HHLA2: variants seen among roughly 807,000 people sequenced by gnomAD.
The protein encoded by HHLA2 is HHLA2 member of B7 family.
In HHLA2, 48 loss-of-function variants were observed where a neutral mutation model predicts 45.9. The ratio of observed to expected loss-of-function variants is 1.05; its 90% CI spans 0.83 to 1.33. The LOEUF is 1.33. HHLA2 is among the 40% of genes most tolerant of loss of function. The pLI, the probability that HHLA2 is intolerant of heterozygous loss-of-function variation, is 0.00. For synonymous variants in HHLA2, 161 were observed against 173.9 expected, an observed-to-expected ratio of 0.93 and a Z score of 0.59; for missense variants, 462 against 494.3, an observed-to-expected ratio of 0.93 and a Z score of 0.62.
At chr3:108,371,841 C>T (rs2082180167) in intron 8 of HHLA2, among the ~76,000 whole-genome samples, 1 of 152,094 alleles carries the variant, frequency 6.6e-6, no homozygotes, top group Admixed American at 6.5e-5. Flanking sequence ...CCTTAGTGAC[C>T]TACAAAGAGA....
intron 8 of HHLA2, among the ~76,000 whole-genome samples, chr3:108,374,250 T>C (rs201868538): frequency 0.067 from 10,037 of 150,440 alleles, 579 homozygotes; most frequent in East Asian, 0.34. Flanking sequence ...ATTTAATAAA[T>C]GGTGCTGGGA....
Position 108,335,279 on chromosome 3 carries a change from G to A in HHLA2, c.-27+6932G>A, listed in dbSNP as rs2081451765. On this transcript the variant is annotated intron_variant, in intron 3 of 10. Coordinates refer to ENST00000619531, the Ensembl canonical transcript of HHLA2. ...AATAAATGAGTTGCATGAGCAGATT[G>A]TTTACATGCCCACTGAGCCCACCAT... Among the ~76,000 whole-genome samples the A allele has an allele frequency of 3.3e-5, 5 of 152,158 alleles. No individual in the cohort carries two copies. In the South Asian group the frequency reaches 1.0e-3, roughly 32 times the overall value.
At chr3:108,319,192 T>C (rs894738077) in intron 2 of HHLA2, among the ~76,000 whole-genome samples, 7 of 151,882 alleles carry the variant, frequency 4.6e-5, no homozygotes, top group African/African-American at 7.3e-5. Context: ...AAAGAAACCA[T>C]AGTGATAGCT....
intron 1 of HHLA2, among the ~76,000 whole-genome samples, chr3:108,308,288 T>C (rs1048325747): frequency 5.3e-5 from 8 of 152,330 alleles, no homozygotes; most frequent in African/African-American, 1.9e-4. Context: ...CTGGCTTATT[T>C]CACTTAACAT....
At chr3:108,361,325 A>G (rs189826675) in intron 7 of HHLA2, among the ~76,000 whole-genome samples, 17 of 152,304 alleles carry the variant, frequency 1.1e-4, no homozygotes, top group Admixed American at 7.2e-4. Flanking sequence ...ATCCCGCTCC[A>G]TCCTGCCTTG....
intron 8 of HHLA2, 40 bp downstream of exon 7, chr3:108,362,486 T>A: frequency 7.9e-7 from 1 of 1,261,166 alleles, no homozygotes; most frequent in Non-Finnish European, 1.1e-6. Context: ...GTGTTCCACA[T>A]CACGTATATT....
chr3:108,302,079 T>A (rs1265520803), intron 1 of HHLA2, among the ~76,000 whole-genome samples: 2 of 152,218 alleles, frequency 1.3e-5, no homozygotes, highest in Non-Finnish European at 2.9e-5. Flanking sequence ...TTTATATTAG[T>A]AATCTAATTC....
At chr3:108,325,799 C>G (rs2081278211) in intron 2 of HHLA2, 2 of 314,348 alleles carry the variant, frequency 6.4e-6, no homozygotes, top group Non-Finnish European at 1.2e-5. Context: ...GAAGTTTCCT[C>G]TACTACCAAA....
intron 3 of HHLA2, among the ~76,000 whole-genome samples, chr3:108,330,081 G>A (rs926661798): frequency 6.6e-6 from 1 of 152,048 alleles, no homozygotes; most frequent in Non-Finnish European, 1.5e-5. Flanking sequence ...CTCTCTGTGG[G>A]GCCATTCACA....
chr3:108,355,526 G>A, intron 6 of HHLA2, 145 bp downstream of exon 5: 2 of 868,368 alleles, frequency 2.3e-6, no homozygotes, highest in East Asian at 2.5e-5. Context: ...CGAAGCCCTA[G>A]GGCTGGTTCT....
chr3:108,317,237 G>A (rs1282164453), intron 2 of HHLA2, among the ~76,000 whole-genome samples: 1 of 152,198 alleles, frequency 6.6e-6, no homozygotes, highest in African/African-American at 2.4e-5. Flanking sequence ...AGAGTTTAAC[G>A]AATCTGTAGA....
intron 3 of HHLA2, among the ~76,000 whole-genome samples, chr3:108,340,880 TAGCCAAAC>T (rs1340840823): frequency 4.3e-5 from 6 of 138,824 alleles, no homozygotes; most frequent in African/African-American, 1.1e-4. Context: ...GAGAGTAAAA[TAGCCAAAC>T]TCTTTTCTTT....
In HHLA2 at chr3:108,358,203, C is replaced by T. The variant is rs377357347; in HGVS notation, c.1003+42C>T. 33 of 1,413,066 alleles carry T rather than the reference C, an allele frequency of 2.3e-5. No individual in the cohort carries two copies. In the African/African-American group the frequency reaches 4.2e-4, roughly 18 times the overall value. 87.5% of individuals were successfully genotyped at this position (1,413,066 alleles called of 1,614,324 possible). On this transcript the variant is annotated intron_variant, in intron 7 of 10. Coordinates refer to ENST00000619531, the Ensembl canonical transcript of HHLA2. The stretch of plus-strand genomic sequence containing the variant: ...TTTGGATAATGGGTTTTGGCTGTAG[C>T]ATTAGAGGTTTGTGAATATCAAAGA...
Position 108,322,617 on chromosome 3 carries a change from A to G in HHLA2, c.-104-5653A>G, listed in dbSNP as rs150448244. The stretch of plus-strand genomic sequence containing the variant: ...TTTTCCCTCATCCAACCGCCTATCT[A>G]TGATAAAAACCAAGTCTACTTATTC... On this transcript the variant is annotated intron_variant, in intron 2 of 10. Transcript: ENST00000619531. Among the ~76,000 whole-genome samples, 328 of 152,322 alleles carry G rather than the reference A, an allele frequency of 2.2e-3. 1 individual carries two copies. The highest frequency in any genetic ancestry group is 9.1e-3 in the Admixed American group (140 of 15,302).
At chr3:108,342,467 G>GT (rs1369257506) in intron 3 of HHLA2, among the ~76,000 whole-genome samples, 5 of 151,990 alleles carry the variant, frequency 3.3e-5, no homozygotes, top group Non-Finnish European at 2.9e-5. Context: ...GTTTCGCCAT[G>GT]TTGACCAGGC....
At chr3:108,317,637 C>T (rs1441463381) in intron 2 of HHLA2, among the ~76,000 whole-genome samples, 97 of 149,618 alleles carry the variant, frequency 6.5e-4, no homozygotes, top group Non-Finnish European at 1.2e-3. Flanking sequence ...TGCAGTGGCA[C>T]GTTCTTGGCT....
chr3:108,357,985 G>A, exon 7 of HHLA2: 2 of 1,613,780 alleles, frequency 1.2e-6, no homozygotes, highest in Non-Finnish European at 1.7e-6. Context: ...TACTATCTGA[G>A]CTCCTCACAA....
At chr3:108,332,194 GT>G in intron 3 of HHLA2, among the ~76,000 whole-genome samples, 1 of 152,170 alleles carries the variant, frequency 6.6e-6, no homozygotes, top group African/African-American at 2.4e-5. Context: ...TCAGAAAAAT[GT>G]TAAAAATAAT....
intron 5 of HHLA2, among the ~76,000 whole-genome samples, chr3:108,354,576 A>G (rs2081849413): frequency 6.6e-6 from 1 of 152,078 alleles, no homozygotes; most frequent in Non-Finnish European, 1.5e-5. Context: ...ATGCATTATA[A>G]TATATAGAAC....
Sources: allele counts gnomAD v4.1 joint callset (sites outside exome capture counted in the v4.1 genomes callset), GRCh38; gene constraint gnomAD v4.1.1; transcripts MANE v1.5; gene names NCBI Gene and HGNC (gene_info 2026-07-23, HGNC 2026-07-21).